Variants in ENAH observed in about 807,000 individuals in gnomAD.
ENAH encodes ENAH actin regulator.
In ENAH, 23 loss-of-function variants were observed where a neutral mutation model predicts 78.7. That is an observed-to-expected ratio of 0.29 (90% CI 0.21 to 0.41). The LOEUF (loss-of-function observed/expected upper bound fraction) is 0.41, where lower values mean the gene tolerates loss of function less well. Ranked by LOEUF, ENAH falls within the 10% of genes least tolerant of loss-of-function variation. The pLI is 1.00. For missense variants in ENAH, 544 were observed against 691.0 expected (o/e 0.79, Z 2.39); for synonymous variants, 226 against 241.0 (o/e 0.94, Z 0.58).
At chr1:225,648,737 T>G (rs146609859) in intron 1 of ENAH, among the ~76,000 whole-genome samples, 300 of 150,378 alleles carry the variant, frequency 2.0e-3, no homozygotes, top group African/African-American at 6.9e-3. Context: ...AAAACAATCC[T>G]GTGAAATATA....
At chr1:225,600,183 A>C (rs531719695) in intron 1 of ENAH, among the ~76,000 whole-genome samples, 1 of 152,330 alleles carries the variant, frequency 6.6e-6, no homozygotes, top group East Asian at 1.9e-4. Flanking sequence ...AGAGCAACAC[A>C]AAATGGACTA....
intron 1 of ENAH, among the ~76,000 whole-genome samples, chr1:225,630,882 CCT>C (rs374873481): frequency 8.5e-4 from 130 of 152,222 alleles, no homozygotes; most frequent in East Asian, 4.2e-3. Context: ...CAATATTACC[CCT>C]GTTACAGCAA....
intron 1 of ENAH, among the ~76,000 whole-genome samples, chr1:225,620,411 A>T (rs1460131674): frequency 2.6e-5 from 4 of 151,796 alleles, no homozygotes; most frequent in Non-Finnish European, 4.4e-5. Context: ...CTGTAGTCCC[A>T]GCTACTTGGG....
chr1:225,523,096 T>C (rs1310280049), intron 4 of ENAH, among the ~76,000 whole-genome samples: 1 of 152,090 alleles, frequency 6.6e-6, no homozygotes, highest in Non-Finnish European at 1.5e-5. Context: ...ACTACACTCA[T>C]GCTTCTCCCA....
intron 4 of ENAH, among the ~76,000 whole-genome samples, chr1:225,522,003 G>A (rs1057101842): frequency 2.0e-5 from 3 of 152,096 alleles, no homozygotes; most frequent in South Asian, 4.1e-4. Flanking sequence ...CACAGTGTTA[G>A]CCAGGATGGT....
At chr1:225,581,367 G>A (rs572889860) in intron 1 of ENAH, 384 of 847,196 alleles carry the variant, frequency 4.5e-4, no homozygotes, top group Non-Finnish European at 5.2e-4. Flanking sequence ...GCTAATTTTA[G>A]CTATAAAGGC....
At chr1:225,510,665 T>C (rs2096369403) in intron 10 of ENAH, among the ~76,000 whole-genome samples, 1 of 137,386 alleles carries the variant, frequency 7.3e-6, no homozygotes, top group African/African-American at 2.8e-5. Flanking sequence ...AAAAGATGGA[T>C]TACAATCACA....
intron 1 of ENAH, among the ~76,000 whole-genome samples, chr1:225,635,285 TCCTCCCATCATAG>T (rs1659858916): frequency 6.6e-6 from 1 of 152,142 alleles, no homozygotes; most frequent in African/African-American, 2.4e-5. Context: ...CCTCAAGTGA[TCCTCCCATCATAG>T]CCTCCCAAAT....
chr1:225,624,497 G>T (rs1229033035), intron 1 of ENAH, among the ~76,000 whole-genome samples: 1 of 151,888 alleles, frequency 6.6e-6, no homozygotes, highest in Non-Finnish European at 1.5e-5. Context: ...GGTGGTAGGC[G>T]CCTGTAATAC....
chr1:225,511,870 A>G lies in ENAH; in HGVS notation c.1423-11T>C. ...AGGCTCTGAATCTTCCTAAATATAC[A>G]GATATATATTAATATCACATCTACC... On this transcript the variant is annotated splice_polypyrimidine_tract_variant and intron_variant, in intron 9 of 13. Transcript: ENST00000366843. 6.4e-7 allele frequency: 1 copy of G among 1,570,714 alleles called. No homozygotes were observed. The highest frequency in any genetic ancestry group is 8.7e-7 in the Non-Finnish European group (1 of 1,144,338).
At position 225,494,660 on chromosome 1, in the gene ENAH, C is replaced by T. The variant is rs541639459; in HGVS notation, c.*3115G>A. On this transcript the variant is annotated 3_prime_UTR_variant, in exon 14 of 14. Coordinates refer to ENST00000366843, the MANE Select transcript of ENAH (RefSeq NM_018212.6). ...TTTTGTATACATTACTTAGTATTCA[C>T]GACTTCTATGAAATCTGTAAAGAAT... The T allele has an allele frequency of 4.6e-5, 7 of 152,142 alleles. No homozygotes were observed. The highest frequency in any genetic ancestry group is 1.0e-4 in the Non-Finnish European group (7 of 68,016). The allele number at this position is 152,142 out of a possible 1,614,324, so 9.4% of individuals were successfully genotyped here.
At chr1:225,544,010 C>T (rs2096601633) in intron 3 of ENAH, among the ~76,000 whole-genome samples, 1 of 152,144 alleles carries the variant, frequency 6.6e-6, no homozygotes, top group Non-Finnish European at 1.5e-5. Context: ...GAAAGCACAG[C>T]CGAGATTAAG....
intron 1 of ENAH, among the ~76,000 whole-genome samples, chr1:225,639,646 T>C (rs140872859): frequency 6.6e-5 from 10 of 152,042 alleles, no homozygotes; most frequent in Middle Eastern, 3.4e-3. Context: ...CTTTCCTTTA[T>C]AAATTACCCA....
intron 1 of ENAH, among the ~76,000 whole-genome samples, chr1:225,611,516 A>G (rs200089135): frequency 6.6e-6 from 1 of 152,006 alleles, no homozygotes; most frequent in South Asian, 2.1e-4. Context: ...ATGAGGTTTC[A>G]CTATGTTGGC....
chr1:225,492,180 G>T lies in ENAH; in HGVS notation c.*5595C>A, dbSNP rs1383311876. 2 of 151,714 alleles carry T rather than the reference G, an allele frequency of 1.3e-5. No homozygotes were observed. Among genetic ancestry groups the T allele is most frequent in the Non-Finnish European group, 2.9e-5 (2 of 67,948 alleles). 9.4% of individuals were successfully genotyped at this position (151,714 alleles called of 1,614,324 possible). A position where few individuals can be genotyped will look rare whatever the true frequency, so the allele number is the denominator to read the frequency against. ...GCTCACTGCAGCCGCGTCCTCCCTG[G>T]GCTCAGGTGATCCTCCCGCTTCAGT... is the stretch of plus-strand genomic sequence containing the variant. On this transcript the variant is annotated 3_prime_UTR_variant, in exon 14 of 14. Transcript: ENST00000366843.
intron 1 of ENAH, among the ~76,000 whole-genome samples, chr1:225,645,492 T>C (rs540969396): frequency 1.3e-5 from 2 of 152,346 alleles, no homozygotes; most frequent in Admixed American, 1.3e-4. Context: ...AACGATACTA[T>C]AGACATTTGT....
intron 4 of ENAH, among the ~76,000 whole-genome samples, chr1:225,530,016 A>G (rs77974210): frequency 0.043 from 6,555 of 152,258 alleles, 230 homozygotes; most frequent in South Asian, 0.11. Flanking sequence ...CTGCCTGCTC[A>G]CCATCCTGGT....
chr1:225,593,625 T>G (rs2096888951), intron 1 of ENAH, among the ~76,000 whole-genome samples: 1 of 152,164 alleles, frequency 6.6e-6, no homozygotes, highest in South Asian at 2.1e-4. Flanking sequence ...CATATGATGT[T>G]TTGTTCACAC....
intron 3 of ENAH, chr1:225,530,937 G>A: frequency 2.4e-6 from 1 of 410,546 alleles, no homozygotes; most frequent in Non-Finnish European, 4.3e-6. Context: ...CATCTGAAGA[G>A]GCACCTAAGC....
Sources: gnomAD v4.1 joint callset for allele counts (sites outside exome capture counted in the v4.1 genomes callset) on GRCh38, gnomAD v4.1.1 for gene constraint, MANE v1.5 for transcripts, NCBI Gene and HGNC (gene_info 2026-07-23, HGNC 2026-07-21) for gene names.